The following JAZF1 variants were observed in gnomAD, a reference collection of about 807,000 sequenced individuals.
JAZF1 encodes juxtaposed with another zinc finger protein 1.
A neutral mutation model predicts 26.4 loss-of-function variants in JAZF1; 8 were observed. The ratio of observed to expected loss-of-function variants is 0.30; its 90% confidence interval spans 0.18 to 0.55. The LOEUF is 0.55. JAZF1 is among the 20% of genes least tolerant of loss of function. The pLI is 0.94. For synonymous variants in JAZF1, 126 were observed against 122.3 expected, an observed-to-expected ratio of 1.03 and a Z score of -0.20; for missense variants, 199 against 322.0, an observed-to-expected ratio of 0.62 and a Z score of 2.92.
chr7:28,122,842 G>A (rs1198679447), intron 1 of JAZF1, among the ~76,000 whole-genome samples: 2 of 152,052 alleles, frequency 1.3e-5, no homozygotes, highest in African/African-American at 4.8e-5. Flanking sequence ...TAGCTAGAAC[G>A]CAGAGAAGTA....
chr7:27,999,251 G>C (rs1786084293), intron 1 of JAZF1, among the ~76,000 whole-genome samples: 1 of 152,178 alleles, frequency 6.6e-6, no homozygotes. Context: ...CTGGGACCAA[G>C]TTAATTTGTG....
At chr7:27,941,880 C>T (rs1370851049) in intron 2 of JAZF1, among the ~76,000 whole-genome samples, 1 of 152,054 alleles carries the variant, frequency 6.6e-6, no homozygotes, top group Non-Finnish European at 1.5e-5. Flanking sequence ...AGGGAAGCTG[C>T]TGGAAAGTGG....
At chr7:28,103,645 TC>T (rs1784507492) in intron 1 of JAZF1, among the ~76,000 whole-genome samples, 1 of 152,160 alleles carries the variant, frequency 6.6e-6, no homozygotes, top group African/African-American at 2.4e-5. Context: ...TCTGGAGTCA[TC>T]CTTGGTTTCT....
intron 1 of JAZF1, among the ~76,000 whole-genome samples, chr7:28,156,306 C>G (rs1247115794): frequency 6.6e-6 from 1 of 152,228 alleles, no homozygotes; most frequent in African/African-American, 2.4e-5. Flanking sequence ...TGAGATTGCT[C>G]TGTGTGGTGG....
At chr7:27,993,064 A>G (rs1213967819) in intron 1 of JAZF1, among the ~76,000 whole-genome samples, 1 of 152,178 alleles carries the variant, frequency 6.6e-6, no homozygotes, top group Non-Finnish European at 1.5e-5. Context: ...TCAATTTACA[A>G]TGCTTTTAAC....
chr7:28,175,116 C>G (rs902253985), intron 1 of JAZF1, among the ~76,000 whole-genome samples: 3 of 152,184 alleles, frequency 2.0e-5, no homozygotes, highest in African/African-American at 7.2e-5. Context: ...CAAGGAAAGG[C>G]CATGTTGGAA....
chr7:27,938,899 C>G (rs902826121), intron 2 of JAZF1, among the ~76,000 whole-genome samples: 2 of 151,900 alleles, frequency 1.3e-5, no homozygotes, highest in African/African-American at 4.8e-5. Context: ...CCTTGGTCTC[C>G]CAAAGTGCTG....
intron 3 of JAZF1, among the ~76,000 whole-genome samples, chr7:27,872,347 A>G (rs1284665326): frequency 6.6e-6 from 1 of 152,254 alleles, no homozygotes; most frequent in Non-Finnish European, 1.5e-5. Flanking sequence ...AATTTTATTT[A>G]TAACTGAAAA....
intron 2 of JAZF1, among the ~76,000 whole-genome samples, 173 bp from the exon 3 acceptor site, chr7:27,895,589 T>C (rs1254524237): frequency 6.6e-6 from 1 of 152,134 alleles, no homozygotes; most frequent in Non-Finnish European, 1.5e-5. Flanking sequence ...GGAATTATCT[T>C]CTAGCTTGTT....
intron 2 of JAZF1, among the ~76,000 whole-genome samples, chr7:27,939,271 C>T (rs1439548595): frequency 1.3e-5 from 2 of 152,210 alleles, no homozygotes; most frequent in Non-Finnish European, 2.9e-5. Context: ...AGTTATCTCA[C>T]AGCTCAGCAA....
intron 1 of JAZF1, among the ~76,000 whole-genome samples, chr7:28,135,301 T>C (rs1782864516): frequency 6.6e-6 from 1 of 152,242 alleles, no homozygotes; most frequent in African/African-American, 2.4e-5. Flanking sequence ...AAGCAGGCTG[T>C]GTTGCTACCA....
At chr7:28,088,373 A>G (rs185750623) in intron 1 of JAZF1, among the ~76,000 whole-genome samples, 38 of 152,316 alleles carry the variant, frequency 2.5e-4, no homozygotes, top group African/African-American at 8.7e-4. Context: ...CCTGTGCCTT[A>G]TAAGGAAATT....
At chr7:27,885,713 AT>A (rs900501265) in intron 3 of JAZF1, among the ~76,000 whole-genome samples, 1 of 151,992 alleles carries the variant, frequency 6.6e-6, no homozygotes, top group African/African-American at 2.4e-5. Context: ...CACTTTAGAT[AT>A]AGTGTTTGTA....
rs139370362 is a variant in JAZF1 at position 27,867,067 on chromosome 7, G to A, written c.386-26200C>T. On this transcript the variant is annotated intron_variant, in intron 3 of 4. Coordinates refer to ENST00000283928, the MANE Select transcript of JAZF1 (RefSeq NM_175061.4). The stretch of plus-strand genomic sequence containing the variant: ...TTGTGTCTGCACTGCGGCAGCCCTC[G>A]CCGGAGCTTGTTTTGGTATGATGAT... Among the ~76,000 whole-genome samples, 15 of 152,218 alleles carry A rather than the reference G, an allele frequency of 9.9e-5. No individual in the cohort carries two copies. The South Asian group carries it at 1.9e-3, about 19-fold the overall frequency.
At chr7:28,054,433 C>A (rs1020707696) in intron 1 of JAZF1, among the ~76,000 whole-genome samples, 2 of 152,116 alleles carry the variant, frequency 1.3e-5, no homozygotes, top group Admixed American at 1.3e-4. Context: ...TTCCTATATA[C>A]GAAGAGAACA....
chr7:27,966,408 G>C (rs1051690442), intron 2 of JAZF1, among the ~76,000 whole-genome samples: 1 of 152,168 alleles, frequency 6.6e-6, no homozygotes, highest in Non-Finnish European at 1.5e-5. Context: ...GAGGGAATTG[G>C]GGTGGTTTGG....
At chr7:28,090,971 C>T (rs937633649) in intron 1 of JAZF1, among the ~76,000 whole-genome samples, 34 of 151,066 alleles carry the variant, frequency 2.3e-4, no homozygotes, top group African/African-American at 8.2e-4. Context: ...GGACTACAGG[C>T]GCCCGCCACC....
intron 1 of JAZF1, among the ~76,000 whole-genome samples, chr7:28,050,635 G>C (rs1168208522): frequency 1.3e-5 from 2 of 152,146 alleles, no homozygotes; most frequent in African/African-American, 4.8e-5. Flanking sequence ...GAAGTGTACA[G>C]AGATTTTCTT....
intron 1 of JAZF1, among the ~76,000 whole-genome samples, chr7:28,030,670 A>C (rs1462024562): frequency 1.3e-5 from 2 of 152,234 alleles, no homozygotes; most frequent in African/African-American, 4.8e-5. Context: ...CAATTATACT[A>C]TTTATAATGT....
Sources: allele counts gnomAD v4.1 joint callset (sites outside exome capture counted in the v4.1 genomes callset), GRCh38; gene constraint gnomAD v4.1.1; transcripts MANE v1.5; gene names NCBI Gene and HGNC (gene_info 2026-07-23, HGNC 2026-07-21).